IGF2BP1: variants seen among roughly 807,000 people sequenced by gnomAD.
The protein encoded by IGF2BP1 is insulin like growth factor 2 mRNA binding protein 1, also known as insulin-like growth factor 2 mRNA-binding protein 1.
A neutral mutation model predicts 74.9 loss-of-function variants in IGF2BP1; 11 were observed. The ratio of observed to expected loss-of-function variants is 0.15; its 90% CI spans 0.09 to 0.24. IGF2BP1 has a LOEUF of 0.24. IGF2BP1 is among the 10% of genes least tolerant of loss of function. The pLI, the probability that IGF2BP1 is intolerant of heterozygous loss-of-function variation, is 1.00. For synonymous variants in IGF2BP1, 287 were observed against 281.8 expected, an observed-to-expected ratio of 1.02 and a Z score of -0.18; for missense variants, 440 against 757.4, an observed-to-expected ratio of 0.58 and a Z score of 4.92.
intron 2 of IGF2BP1, among the ~76,000 whole-genome samples, chr17:49,015,479 C>G (rs1004214612): frequency 6.6e-6 from 1 of 152,184 alleles, no homozygotes; most frequent in African/African-American, 2.4e-5. Flanking sequence ...TGAGAAGGAT[C>G]GTGAGCAATG....
At chr17:49,045,740 C>A in intron 12 of IGF2BP1, 150 bp from the exon 13 acceptor site, 1 of 710,684 alleles carries the variant, frequency 1.4e-6, no homozygotes, top group Non-Finnish European at 2.3e-6. Flanking sequence ...CCACCTGAGC[C>A]TTGCCCTTCA....
At position 49,026,354 on chromosome 17, in the gene IGF2BP1, T is replaced by G. The variant is rs1324164261; in HGVS notation, c.286-112T>G. ...TGGACAGGTAATAATGCTCAAACAC[T>G]CCTATGGCTCTGTCAATGCCCGATT... On this transcript the variant is annotated intron_variant, in intron 3 of 14. Transcript: ENST00000290341. 9 of 893,202 alleles carry G rather than the reference T, an allele frequency of 1.0e-5. No homozygotes were observed. In the East Asian group the frequency reaches 2.2e-4, roughly 22 times the overall value. 55.3% of individuals were successfully genotyped at this position (893,202 alleles called of 1,614,324 possible). A position where few individuals can be genotyped will look rare whatever the true frequency, so the allele number is the denominator to read the frequency against.
chr17:49,040,927 G>T (rs2042045503), intron 7 of IGF2BP1, among the ~76,000 whole-genome samples: 1 of 152,158 alleles, frequency 6.6e-6, no homozygotes. Context: ...TTATTGGCTG[G>T]GCACGGTGGC....
chr17:49,007,678 C>T (rs760400986), intron 2 of IGF2BP1, among the ~76,000 whole-genome samples: 82 of 152,074 alleles, frequency 5.4e-4, no homozygotes, highest in Admixed American at 5.1e-3. Context: ...ACTTTCCATT[C>T]GGGACTCTGA....
Position 49,049,332 on chromosome 17 carries a change from C to T in IGF2BP1, c.1642-20C>T. On this transcript the variant is annotated intron_variant, in intron 14 of 14. Coordinates refer to ENST00000290341, the MANE Select transcript of IGF2BP1 (RefSeq NM_006546.4). ...TCCTTGGAGGTCTCACACCCACTCT[C>T]TTGCCTGTTCTTGCTGCAGATGGCT... 1.9e-6 allele frequency: 3 copies of T among 1,612,658 alleles called. No individual in the cohort carries two copies. Among genetic ancestry groups the T allele is most frequent in the African/African-American group, 1.3e-5 (1 of 75,030 alleles).
chr17:49,014,508 A>G (rs1258551589), intron 2 of IGF2BP1, among the ~76,000 whole-genome samples: 3 of 151,486 alleles, frequency 2.0e-5, no homozygotes, highest in Non-Finnish European at 2.9e-5. Context: ...AACATTCTAG[A>G]CCGTGCGGAG....
chr17:49,039,103 C>G (rs1009136258), intron 6 of IGF2BP1, among the ~76,000 whole-genome samples: 5 of 152,078 alleles, frequency 3.3e-5, no homozygotes, highest in Non-Finnish European at 7.4e-5. Context: ...GTTACGAACT[C>G]CTGACCTCGT....
At chr17:49,047,527 T>A (rs1249463325) in intron 14 of IGF2BP1, among the ~76,000 whole-genome samples, 1 of 151,946 alleles carries the variant, frequency 6.6e-6, no homozygotes, top group African/African-American at 2.4e-5. Flanking sequence ...GTTTTTTTTT[T>A]AAAGAGAGTA....
At chr17:49,014,052 A>AGG (rs1159946621) in intron 2 of IGF2BP1, 1 of 151,364 alleles carries the variant, frequency 6.6e-6, no homozygotes, top group African/African-American at 2.4e-5. Context: ...GGGGCTGGGG[A>AGG]GGGGGCGACC....
At chr17:49,024,083 AT>A (rs765273098) in intron 2 of IGF2BP1, among the ~76,000 whole-genome samples, 516 of 78,096 alleles carry the variant, frequency 6.6e-3, no homozygotes, top group African/African-American at 0.022. Flanking sequence ...CACCCTGCTA[AT>A]TTTTTTTTTT....
At chr17:49,037,040 G>A (rs547641866) in intron 5 of IGF2BP1, 1 of 227,590 alleles carries the variant, frequency 4.4e-6, no homozygotes, top group East Asian at 1.5e-4. Flanking sequence ...AGGGGTTTCA[G>A]TTGTGAATTA....
At chr17:49,009,787 G>A (rs1349701639) in intron 2 of IGF2BP1, among the ~76,000 whole-genome samples, 2 of 151,242 alleles carry the variant, frequency 1.3e-5, no homozygotes, top group Non-Finnish European at 2.9e-5. Flanking sequence ...ATAGTTTTGT[G>A]ACATAAACAT....
chr17:48,999,959 T>TGTTC (rs1432872759), intron 2 of IGF2BP1, among the ~76,000 whole-genome samples: 1 of 151,164 alleles, frequency 6.6e-6, no homozygotes, highest in African/African-American at 2.4e-5. Flanking sequence ...TGTGTGTGTG[T>TGTTC]GTGTTCGTGT....
At chr17:49,032,962 T>C (rs528440991) in intron 5 of IGF2BP1, among the ~76,000 whole-genome samples, 9 of 152,138 alleles carry the variant, frequency 5.9e-5, no homozygotes, top group African/African-American at 2.2e-4. Flanking sequence ...ACTACAGACA[T>C]GCACCATTAT....
chr17:49,043,500 C>G lies in IGF2BP1; in HGVS notation c.1150C>G (p.Pro384Ala). Residue 384 changes from proline (P) to alanine (A), a missense_variant, in exon 10 of 15, where the codon CCG becomes GCG. Physicochemically the swap from Pro to Ala is conservative, Grantham distance 27 (BLOSUM62 -1). This residue lies in a region of IGF2BP1 where 31 missense variants were observed against 27.0 expected (regional missense o/e 1.15). Transcript: ENST00000290341. ...TTTCCCAGCTTCATCCAGCGCAGTC[C>G]CGCCGCCTCCCAGCAGCGTTACTGG... ...GLFPASSSAV[P>A]PPPSSVTGAA... 3 of 1,614,122 alleles carry G rather than the reference C, an allele frequency of 1.9e-6. No individual in the cohort carries two copies. The highest frequency in any genetic ancestry group is 2.5e-6 in the Non-Finnish European group (3 of 1,179,992).
intron 14 of IGF2BP1, among the ~76,000 whole-genome samples, chr17:49,049,045 CT>C: frequency 6.6e-6 from 1 of 152,256 alleles, no homozygotes; most frequent in South Asian, 2.1e-4. Flanking sequence ...TGTTTATCAA[CT>C]TTGTCAAGTT....
intron 2 of IGF2BP1, among the ~76,000 whole-genome samples, chr17:49,000,521 GAAGAA>G (rs2041476519): frequency 6.6e-6 from 1 of 152,158 alleles, no homozygotes; most frequent in African/African-American, 2.4e-5. Flanking sequence ...AAATGGGAAG[GAAGAA>G]AAGAAGTCTT....
At chr17:49,019,114 A>G (rs1388705801) in intron 2 of IGF2BP1, among the ~76,000 whole-genome samples, 2 of 152,106 alleles carry the variant, frequency 1.3e-5, no homozygotes, top group Non-Finnish European at 2.9e-5. Flanking sequence ...CATAAACATG[A>G]TTGAAAATGG....
At chr17:49,020,101 T>TG (rs2041774295) in intron 2 of IGF2BP1, among the ~76,000 whole-genome samples, 2 of 149,984 alleles carry the variant, frequency 1.3e-5, no homozygotes, top group African/African-American at 4.9e-5. Flanking sequence ...TCACCCAGGC[T>TG]GGAGTGCAAT....
Sources: allele counts gnomAD v4.1 joint callset (sites outside exome capture counted in the v4.1 genomes callset), GRCh38; gene constraint gnomAD v4.1.1; regional missense constraint gnomAD v4.1.1; transcripts MANE v1.5; gene names NCBI Gene and HGNC (gene_info 2026-07-23, HGNC 2026-07-21).